Variants in NR3C2 observed in about 807,000 individuals in gnomAD.
The protein encoded by NR3C2 is mineralocorticoid receptor.
Under a neutral mutation model 86.4 loss-of-function variants are expected in NR3C2, and 15 were observed. The ratio of observed to expected loss-of-function variants is 0.17; its 90% CI spans 0.12 to 0.27. The LOEUF is 0.27. Among genes scored for constraint, NR3C2 ranks in the 10% least tolerant of loss-of-function variants. NR3C2 has a pLI of 1.00. For missense variants in NR3C2, 960 were observed against 1,195.6 expected (o/e 0.80, Z 2.91); for synonymous variants, 458 against 450.5 (o/e 1.02, Z -0.21).
At chr4:148,411,101 G>C (rs1182181076) in intron 2 of NR3C2, among the ~76,000 whole-genome samples, 1 of 151,994 alleles carries the variant, frequency 6.6e-6, no homozygotes, top group African/African-American at 2.4e-5. Context: ...CTTTCATTTT[G>C]GCTGGTTGCA....
intron 2 of NR3C2, among the ~76,000 whole-genome samples, chr4:148,424,686 TA>T (rs1453495522): frequency 6.6e-6 from 1 of 151,350 alleles, no homozygotes; most frequent in African/African-American, 2.4e-5. Flanking sequence ...AATCAAAGGC[TA>T]CATAGAGTTT....
In NR3C2 at chr4:148,435,899, G is replaced by T. The variant is rs776290874; in HGVS notation, c.962C>A (p.Thr321Lys). 6.2e-7 allele frequency: 1 copy of T among 1,614,050 alleles called. No homozygotes were observed. Among genetic ancestry groups the T allele is most frequent in the Non-Finnish European group, 8.5e-7 (1 of 1,180,028 alleles). The change falls in exon 2 of 9, where the codon ACG becomes AAG. Residue 321 changes from threonine (T) to lysine (K), a missense_variant. Thr to Lys is a moderately conservative substitution (Grantham distance 78). Coordinates refer to ENST00000358102, the MANE Select transcript of NR3C2 (RefSeq NM_000901.5). ...SSPSNTNNRSTLSSPAASTVG... is the reference protein window; with the variant it reads ...SSPSNTNNRSKLSSPAASTVG... ...AGTACTGGCTGCCGGACTGGAAAGC[G>T]TGGATCTGTTATTAGTGTTCGAAGG...
intron 2 of NR3C2, among the ~76,000 whole-genome samples, chr4:148,413,984 A>G (rs948186913): frequency 1.3e-5 from 2 of 152,194 alleles, no homozygotes; most frequent in South Asian, 4.1e-4. Flanking sequence ...GCTCTTGGGT[A>G]TAAGCAGACA....
At chr4:148,173,370 G>A (rs1735223316) in intron 4 of NR3C2, among the ~76,000 whole-genome samples, 4 of 152,194 alleles carry the variant, frequency 2.6e-5, no homozygotes, top group Admixed American at 2.6e-4. Context: ...GTAATCATAA[G>A]GCTCCTTATT....
chr4:148,442,712 G>C (rs72646919), upstream of NR3C2: 37 of 985,356 alleles, frequency 3.8e-5, no homozygotes, highest in African/African-American at 1.4e-4. Context: ...GCCTGGACTC[G>C]GCAGCTTCCT....
chr4:148,430,168 T>C (rs1749732879), intron 2 of NR3C2, among the ~76,000 whole-genome samples: 1 of 149,634 alleles, frequency 6.7e-6, no homozygotes, highest in Non-Finnish European at 1.5e-5. Context: ...GAACTTTACA[T>C]TCAAAAGTCT....
chr4:148,341,271 G>A (rs987658418), intron 2 of NR3C2, among the ~76,000 whole-genome samples: 2 of 152,054 alleles, frequency 1.3e-5, no homozygotes, highest in Non-Finnish European at 2.9e-5. Flanking sequence ...AATATTATTC[G>A]CCCATGAAAA....
intron 2 of NR3C2, among the ~76,000 whole-genome samples, chr4:148,377,536 A>C (rs571587954): frequency 7.9e-5 from 12 of 152,234 alleles, no homozygotes; most frequent in Non-Finnish European, 1.3e-4. Context: ...AGGAAAAAGC[A>C]GATGAATTTG....
At chr4:148,138,129 T>C (rs185983754) in intron 6 of NR3C2, among the ~76,000 whole-genome samples, 3 of 152,346 alleles carry the variant, frequency 2.0e-5, no homozygotes, top group Admixed American at 2.0e-4. Context: ...TACAAACTGC[T>C]GGTCTGGGCT....
chr4:148,227,555 C>A (rs2149834468), intron 3 of NR3C2, among the ~76,000 whole-genome samples: 1 of 152,246 alleles, frequency 6.6e-6, no homozygotes, highest in East Asian at 1.9e-4. Context: ...ATCCATTTAT[C>A]ATTCTTATTT....
chr4:148,333,678 C>T (rs1225115388), intron 2 of NR3C2, among the ~76,000 whole-genome samples: 2 of 152,106 alleles, frequency 1.3e-5, no homozygotes, highest in African/African-American at 4.8e-5. Context: ...GTATCTATAA[C>T]TGAACCTACC....
chr4:148,302,648 C>T (rs1266245040), intron 2 of NR3C2, among the ~76,000 whole-genome samples: 4 of 150,940 alleles, frequency 2.7e-5, no homozygotes, highest in Admixed American at 1.3e-4. Context: ...ATAAAAATCC[C>T]CTTGGTAAAA....
intron 2 of NR3C2, among the ~76,000 whole-genome samples, chr4:148,310,833 A>G (rs1742867455): frequency 6.6e-6 from 1 of 152,126 alleles, no homozygotes; most frequent in African/African-American, 2.4e-5. Context: ...TGTTCTTTGC[A>G]TCAAAACCAC....
chr4:148,311,224 C>T (rs1742884475), intron 2 of NR3C2, among the ~76,000 whole-genome samples: 1 of 152,102 alleles, frequency 6.6e-6, no homozygotes, highest in Admixed American at 6.6e-5. Context: ...CAGCTCTATT[C>T]TTATGACTCT....
rs1746458699 is a variant in NR3C2 at position 148,372,259 on chromosome 4, T to C, written c.1757+62845A>G. ...AAAAAAGAAAGATGTCTTAATTTTCTGAAAATGTTCTGATGACTTAATGAC... is the reference window on the plus strand; with the variant it reads ...AAAAAAGAAAGATGTCTTAATTTTCCGAAAATGTTCTGATGACTTAATGAC... On this transcript the variant is annotated intron_variant, in intron 2 of 8. Transcript: ENST00000358102. Among the ~76,000 whole-genome samples, 5 of 152,322 alleles carry C rather than the reference T, an allele frequency of 3.3e-5. No homozygotes were observed. In the East Asian group the frequency reaches 7.7e-4, roughly 23 times the overall value.
intron 2 of NR3C2, among the ~76,000 whole-genome samples, chr4:148,430,674 A>ACT (rs200166751): frequency 6.6e-6 from 1 of 151,498 alleles, no homozygotes; most frequent in African/African-American, 2.4e-5. Flanking sequence ...GCACCAATAC[A>ACT]CTCTCTCTCT....
chr4:148,167,855 C>G (rs1275647343), intron 4 of NR3C2, among the ~76,000 whole-genome samples: 4 of 152,210 alleles, frequency 2.6e-5, no homozygotes, highest in African/African-American at 7.2e-5. Context: ...GAAAACAATT[C>G]CAGGCAAGGC....
intron 3 of NR3C2, among the ~76,000 whole-genome samples, chr4:148,237,356 C>T (rs1357749164): frequency 6.6e-6 from 1 of 152,080 alleles, no homozygotes; most frequent in African/African-American, 2.4e-5. Flanking sequence ...GAGGTGCTCC[C>T]CAAAACTATT....
intron 2 of NR3C2, among the ~76,000 whole-genome samples, chr4:148,351,978 T>C (rs1745303459): frequency 6.6e-6 from 1 of 152,156 alleles, no homozygotes; most frequent in Non-Finnish European, 1.5e-5. Context: ...GTAGGTAGAT[T>C]AATGTGTGGT....
Sources: gnomAD v4.1 joint callset for allele counts (sites outside exome capture counted in the v4.1 genomes callset) on GRCh38, gnomAD v4.1.1 for gene constraint, MANE v1.5 for transcripts, NCBI Gene and HGNC (gene_info 2026-07-23, HGNC 2026-07-21) for gene names.